The following CRYBG1 variants were observed in gnomAD, a reference collection of about 807,000 sequenced individuals.
The protein encoded by CRYBG1 is beta/gamma crystallin domain-containing protein 1.
CRYBG1 carries 139 observed loss-of-function variants against 189.2 expected under a neutral mutation model. That is an observed-to-expected ratio of 0.73 (90% CI 0.64 to 0.85). CRYBG1 has a LOEUF of 0.85. Ranked by LOEUF, CRYBG1 falls within the 40% of genes least tolerant of loss-of-function variation. The pLI is 0.00. For synonymous variants in CRYBG1, 1,023 were observed against 1,017.1 expected, an observed-to-expected ratio of 1.01 and a Z score of -0.11; for missense variants, 2,611 against 2,675.8, an observed-to-expected ratio of 0.98 and a Z score of 0.53.
intron 2 of CRYBG1, among the ~76,000 whole-genome samples, chr6:106,495,703 C>T (rs1772832294): frequency 6.6e-6 from 1 of 151,542 alleles, no homozygotes; most frequent in African/African-American, 2.4e-5. Flanking sequence ...CATTAACAAG[C>T]TACTCTCATT....
intron 2 of CRYBG1, among the ~76,000 whole-genome samples, chr6:106,483,404 AACAT>A (rs1772518728): frequency 6.3e-5 from 8 of 127,230 alleles, no homozygotes; most frequent in Non-Finnish European, 1.0e-4. Flanking sequence ...ATATATATAA[AACAT>A]TTTCTTTATC....
intron 1 of CRYBG1, among the ~76,000 whole-genome samples, chr6:106,361,350 G>T (rs543095820): frequency 4.6e-5 from 7 of 152,218 alleles, no homozygotes; most frequent in Non-Finnish European, 7.3e-5. Flanking sequence ...AAGTTTTCAT[G>T]CAGGAGCCTC....
rs111428632 is a variant in CRYBG1 at position 106,498,520 on chromosome 6, G to A, written c.313-12910G>A. ...ATACATTTTCTGCAGCCTGTGATAC[G>A]TTAAAAATAATATAAATGAACAACT... is the stretch of plus-strand genomic sequence containing the variant. On this transcript the variant is annotated intron_variant, in intron 2 of 21. Coordinates refer to ENST00000633556, the MANE Select transcript of CRYBG1 (RefSeq NM_001371242.2). Among the ~76,000 whole-genome samples, 1,125 of 152,226 alleles carry A rather than the reference G, an allele frequency of 7.4e-3. 15 individuals carry two copies. Among genetic ancestry groups the A allele is most frequent in the African/African-American group, 0.026 (1,069 of 41,510 alleles).
intron 1 of CRYBG1, among the ~76,000 whole-genome samples, chr6:106,393,381 G>A (rs1313487357): frequency 6.7e-6 from 1 of 150,214 alleles, no homozygotes. Context: ...CATCGTTAAA[G>A]GGTTGTAACG....
At chr6:106,508,027 A>T (rs1474090848) in intron 2 of CRYBG1, among the ~76,000 whole-genome samples, 1 of 152,244 alleles carries the variant, frequency 6.6e-6, no homozygotes, top group Non-Finnish European at 1.5e-5. Flanking sequence ...CAGAAGGATC[A>T]CTTAAGCCCA....
chr6:106,381,303 G>C (rs976035212), intron 1 of CRYBG1, among the ~76,000 whole-genome samples: 2 of 152,162 alleles, frequency 1.3e-5, no homozygotes, highest in African/African-American at 4.8e-5. Flanking sequence ...TTACAGGTTT[G>C]AATCATAGTG....
In CRYBG1 at chr6:106,452,244, T is replaced by TA. The variant is rs368102917; in HGVS notation, c.312+433dup. On this transcript the variant is annotated intron_variant, in intron 2 of 21. Coordinates refer to ENST00000633556, the MANE Select transcript of CRYBG1 (RefSeq NM_001371242.2). ...CAACATGATGAAACCCAGACTCTAC[T>TA]AAAAAAAAAAAAAAAAAAAAACAAA... Among the ~76,000 whole-genome samples the TA allele has an allele frequency of 4.7e-3, 506 of 108,738 alleles. 2 individuals are homozygous for TA. The highest frequency in any genetic ancestry group is 0.015 in the Middle Eastern group (3 of 206). 71.3% of individuals were successfully genotyped at this position (108,738 alleles called of 152,430 possible).
chr6:106,528,541 TAA>T (rs1166953522), intron 7 of CRYBG1, among the ~76,000 whole-genome samples: 2 of 152,302 alleles, frequency 1.3e-5, no homozygotes, highest in East Asian at 3.9e-4. Flanking sequence ...CCTTCTCACC[TAA>T]CACTGTGGTT....
chr6:106,526,191 C>T (rs557221165), intron 6 of CRYBG1, among the ~76,000 whole-genome samples: 97 of 152,142 alleles, frequency 6.4e-4, no homozygotes, highest in Non-Finnish European at 1.4e-3. Context: ...ATAAGCTTTT[C>T]TTTTGGTCTC....
chr6:106,409,032 G>T (rs763015175), intron 1 of CRYBG1, among the ~76,000 whole-genome samples: 1 of 150,116 alleles, frequency 6.7e-6, no homozygotes, highest in South Asian at 2.1e-4. Context: ...GGGTAATCAG[G>T]CAAGAGAAAG....
intron 3 of CRYBG1, among the ~76,000 whole-genome samples, chr6:106,515,819 A>T (rs1380029373): frequency 6.6e-6 from 1 of 150,758 alleles, no homozygotes; most frequent in East Asian, 1.9e-4. Context: ...TTGAGACAGG[A>T]TCTCACTCTG....
intron 1 of CRYBG1, chr6:106,449,295 A>G (rs1771731889): frequency 6.6e-6 from 1 of 152,240 alleles, no homozygotes; most frequent in Non-Finnish European, 1.5e-5. Context: ...CAATGGGCAC[A>G]TATGTTTTTC....
chr6:106,463,002 A>C (rs1004532143), intron 2 of CRYBG1, among the ~76,000 whole-genome samples: 1 of 152,210 alleles, frequency 6.6e-6, no homozygotes, highest in Non-Finnish European at 1.5e-5. Flanking sequence ...AAAAATTTTA[A>C]AATTAGCTAG....
At position 106,512,308 on chromosome 6, in the gene CRYBG1, T is replaced by A. The variant is rs1157851638; in HGVS notation, c.1191T>A (p.Thr397=). The change falls in exon 3 of 22, where the codon ACT becomes ACA. Residue 397 remains threonine, a synonymous_variant. Coordinates refer to ENST00000633556, the MANE Select transcript of CRYBG1 (RefSeq NM_001371242.2). ...GAQVDEPVVI[T]PRAEDCGDWD... ...AAGTGGACGAGCCGGTCGTGATTAC[T>A]CCCAGAGCGGAAGATTGCGGTGACT... is the stretch of plus-strand genomic sequence containing the variant. The A allele has an allele frequency of 5.0e-6, 8 of 1,599,544 alleles. No individual in the cohort carries two copies. The highest frequency in any genetic ancestry group is 6.0e-6 in the Non-Finnish European group (7 of 1,174,810).
chr6:106,529,534 A>G lies in CRYBG1; in HGVS notation c.4579-642A>G, dbSNP rs117469498. ...CACTCAGTTCACCCAACTCAGCTGC[A>G]TAGATGAGTTTCAATAAATATTCCA... On this transcript the variant is annotated intron_variant, in intron 7 of 21. Transcript: ENST00000633556. 3.3e-5 allele frequency among the ~76,000 whole-genome samples: 5 copies of G among 152,364 alleles called. No individual in the cohort carries two copies. The East Asian group carries it at 9.6e-4, about 29-fold the overall frequency.
At chr6:106,414,233 C>T (rs1770981109) in intron 1 of CRYBG1, among the ~76,000 whole-genome samples, 1 of 152,196 alleles carries the variant, frequency 6.6e-6, no homozygotes, top group South Asian at 2.1e-4. Flanking sequence ...GAATCTTGAC[C>T]TTCTGTGCAC....
At chr6:106,490,358 G>T (rs78651536) in intron 2 of CRYBG1, among the ~76,000 whole-genome samples, 11,566 of 152,246 alleles carry the variant, frequency 0.076, 569 homozygotes, top group Admixed American at 0.14. Flanking sequence ...CTTAGTTTAG[G>T]GGGGAGCAGT....
At chr6:106,538,157 T>A (rs1582825572) in intron 8 of CRYBG1, among the ~76,000 whole-genome samples, 1 of 138,228 alleles carries the variant, frequency 7.2e-6, no homozygotes, top group African/African-American at 2.7e-5. Flanking sequence ...GAAGTCTATG[T>A]TTGTTTATGA....
chr6:106,433,544 C>T (rs914647376), intron 1 of CRYBG1, among the ~76,000 whole-genome samples: 2 of 151,738 alleles, frequency 1.3e-5, no homozygotes, highest in African/African-American at 4.8e-5. Flanking sequence ...TCATTGAAAC[C>T]TGCTTTAATG....
Sources: allele counts gnomAD v4.1 joint callset (sites outside exome capture counted in the v4.1 genomes callset), GRCh38; gene constraint gnomAD v4.1.1; transcripts MANE v1.5; gene names NCBI Gene and HGNC (gene_info 2026-07-23, HGNC 2026-07-21).